The following STAG1 variants were observed in gnomAD, a reference collection of about 807,000 sequenced individuals.
STAG1 encodes the protein cohesin subunit SA-1.
STAG1 carries 26 observed loss-of-function variants against 170.9 expected under a neutral mutation model. The observed-to-expected ratio is 0.15, with a 90% confidence interval of 0.11 to 0.21. The LOEUF (loss-of-function observed/expected upper bound fraction) is 0.21. Ranked by LOEUF, STAG1 falls within the 10% of genes least tolerant of loss-of-function variation. The pLI is 1.00. For synonymous variants in STAG1, 514 were observed against 497.7 expected (o/e 1.03, Z -0.44); for missense variants, 964 against 1,509.5 (o/e 0.64, Z 5.99).
chr3:136,353,263 C>G (rs1035202931), intron 28 of STAG1, among the ~76,000 whole-genome samples: 4 of 152,000 alleles, frequency 2.6e-5, no homozygotes, highest in African/African-American at 9.7e-5. Context: ...TGGGAGTAAC[C>G]AAGGTAGCAG....
intron 21 of STAG1, among the ~76,000 whole-genome samples, chr3:136,405,309 T>C (rs987108500): frequency 7.4e-6 from 1 of 135,448 alleles, no homozygotes; most frequent in African/African-American, 2.7e-5. Context: ...TGGCATGATC[T>C]CGGCTCACTG....
chr3:136,507,860 G>A lies in STAG1; in HGVS notation c.677-5081C>T, dbSNP rs561808482. Among the ~76,000 whole-genome samples the A allele has an allele frequency of 8.5e-5, 13 of 152,266 alleles. No homozygotes were observed. The South Asian group carries it at 2.3e-3, about 27-fold the overall frequency. On this transcript the variant is annotated intron_variant, in intron 7 of 33. Transcript: ENST00000383202. ...AGCTTTCTAAAATCACCAGGACAAT[G>A]TGGTATTCCAGAAAACAAGTGAAGA...
intron 1 of STAG1, among the ~76,000 whole-genome samples, chr3:136,728,542 G>A (rs930507765): frequency 6.6e-6 from 1 of 152,052 alleles, no homozygotes; most frequent in African/African-American, 2.4e-5. Context: ...CCACCACATG[G>A]GGCTATTGTA....
At chr3:136,412,085 A>G (rs1209425214) in intron 21 of STAG1, among the ~76,000 whole-genome samples, 3 of 152,192 alleles carry the variant, frequency 2.0e-5, no homozygotes, top group Admixed American at 6.5e-5. Context: ...AGGAACTCCC[A>G]CTGGCCAAAT....
chr3:136,509,181 T>C (rs1380989307), intron 7 of STAG1, among the ~76,000 whole-genome samples: 2 of 152,228 alleles, frequency 1.3e-5, no homozygotes, highest in East Asian at 1.9e-4. Context: ...AGAGTATAAC[T>C]GCAGCTAGAT....
At chr3:136,745,992 G>A (rs1012308085) in intron 1 of STAG1, among the ~76,000 whole-genome samples, 2 of 151,946 alleles carry the variant, frequency 1.3e-5, no homozygotes, top group Non-Finnish European at 2.9e-5. Flanking sequence ...AAGCAATAAG[G>A]GGTATGTTAT....
At position 136,741,826 on chromosome 3, in the gene STAG1, T is replaced by C. The variant is rs545718421; in HGVS notation, c.-84+10369A>G. Among the ~76,000 whole-genome samples, 4 of 152,236 alleles carry C rather than the reference T, an allele frequency of 2.6e-5. No individual in the cohort carries two copies. The East Asian group carries it at 7.7e-4, about 29-fold the overall frequency. ...ACTACCATCAAAAGCAATTTAAATATAATGAAGAGTTTTGGGTAAATAGGT... is the reference window on the plus strand; with the variant it reads ...ACTACCATCAAAAGCAATTTAAATACAATGAAGAGTTTTGGGTAAATAGGT... On this transcript the variant is annotated intron_variant, in intron 1 of 33. Transcript: ENST00000383202.
chr3:136,428,081 G>GA (rs762228448), intron 16 of STAG1, among the ~76,000 whole-genome samples: 3,374 of 134,754 alleles, frequency 0.025, 49 homozygotes, highest in South Asian at 0.033. Flanking sequence ...CCCTATTCTG[G>GA]AAAAAAAAAA....
At chr3:136,538,334 G>A (rs919522951) in intron 6 of STAG1, among the ~76,000 whole-genome samples, 4 of 151,670 alleles carry the variant, frequency 2.6e-5, no homozygotes, top group Non-Finnish European at 4.4e-5. Flanking sequence ...ATCTTTTCAT[G>A]TATTTACTAT....
At chr3:136,379,553 A>G (rs1177951594) in intron 22 of STAG1, among the ~76,000 whole-genome samples, 1 of 152,276 alleles carries the variant, frequency 6.6e-6, no homozygotes, top group African/African-American at 2.4e-5. Context: ...TATTAAAAAT[A>G]GAAAAATTAG....
chr3:136,531,846 C>T (rs1400548883), intron 6 of STAG1, among the ~76,000 whole-genome samples: 1 of 147,750 alleles, frequency 6.8e-6, no homozygotes, highest in Non-Finnish European at 1.5e-5. Flanking sequence ...ACCAGCATGG[C>T]ACATGTATAC....
chr3:136,498,681 C>T (rs912573338), intron 9 of STAG1, among the ~76,000 whole-genome samples: 2 of 150,378 alleles, frequency 1.3e-5, no homozygotes, highest in Admixed American at 6.6e-5. Flanking sequence ...ATTAGACCTC[C>T]ATAAAGTTGC....
At chr3:136,469,720 T>C (rs987591688) in intron 12 of STAG1, among the ~76,000 whole-genome samples, 84 of 152,132 alleles carry the variant, frequency 5.5e-4, no homozygotes, top group African/African-American at 1.9e-3. Flanking sequence ...CATCAGGCTA[T>C]CTGACTTCAA....
At chr3:136,681,569 C>T (rs1011541898) in intron 1 of STAG1, among the ~76,000 whole-genome samples, 1 of 152,012 alleles carries the variant, frequency 6.6e-6, no homozygotes, top group Admixed American at 6.6e-5. Context: ...ACAGCCACTG[C>T]CATTTACAGC....
At chr3:136,734,459 A>C (rs563115349) in intron 1 of STAG1, among the ~76,000 whole-genome samples, 96 of 152,318 alleles carry the variant, frequency 6.3e-4, no homozygotes, top group African/African-American at 2.2e-3. Flanking sequence ...GAGCCAAAAA[A>C]CAGTACAGGT....
chr3:136,485,394 T>C (rs1576518516), intron 9 of STAG1, among the ~76,000 whole-genome samples: 2 of 151,926 alleles, frequency 1.3e-5, no homozygotes, highest in African/African-American at 2.4e-5. Context: ...GAGGCGGAGG[T>C]TGCAGTAAGC....
At chr3:136,698,542 G>T (rs1942963278) in intron 1 of STAG1, among the ~76,000 whole-genome samples, 3 of 152,152 alleles carry the variant, frequency 2.0e-5, no homozygotes, top group Non-Finnish European at 4.4e-5. Context: ...TTACACTGCT[G>T]GTAGGAATGT....
At chr3:136,732,804 T>G (rs993006322) in intron 1 of STAG1, among the ~76,000 whole-genome samples, 1 of 151,890 alleles carries the variant, frequency 6.6e-6, no homozygotes, top group Non-Finnish European at 1.5e-5. Flanking sequence ...AAGACGGGGT[T>G]TCACCATCTT....
At chr3:136,490,479 A>G (rs182189181) in intron 9 of STAG1, among the ~76,000 whole-genome samples, 3 of 152,340 alleles carry the variant, frequency 2.0e-5, no homozygotes, top group African/African-American at 7.2e-5. Flanking sequence ...GAGAAGGTGT[A>G]TGGCTATCTG....
Sources: gnomAD v4.1 joint callset for allele counts (sites outside exome capture counted in the v4.1 genomes callset) on GRCh38, gnomAD v4.1.1 for gene constraint, MANE v1.5 for transcripts, NCBI Gene and HGNC (gene_info 2026-07-23, HGNC 2026-07-21) for gene names.